ATP10B: variants seen among roughly 807,000 people sequenced by gnomAD.
The protein encoded by ATP10B is phospholipid-transporting ATPase VB.
Under a neutral mutation model 141.2 loss-of-function variants are expected in ATP10B, and 122 were observed. The ratio of observed to expected loss-of-function variants is 0.86; its 90% CI spans 0.75 to 1.00. ATP10B has a LOEUF of 1.00. Ranked by LOEUF, ATP10B falls within the 50% of genes least tolerant of loss-of-function variation. The probability of loss-of-function intolerance (pLI) is 0.00; values close to 1 mark genes in which losing one functional copy is unlikely to be tolerated. For missense variants in ATP10B, 1,876 were observed against 1,825.3 expected (o/e 1.03, Z -0.51); for synonymous variants, 685 against 692.0 (o/e 0.99, Z 0.16).
rs563048262 is a variant in ATP10B, at chr5:160,809,425, T to TA, written c.-575-23623dup. ...TTTTTTCTACTTGACACGTAATAAT[T>TA]ATATATATTTCTGGTGTGCATAGTG... On this transcript the variant is annotated intron_variant, in intron 1 of 25. Transcript: ENST00000327245. Among the ~76,000 whole-genome samples the TA allele has an allele frequency of 3.7e-3, 571 of 152,298 alleles. 2 individuals are homozygous for TA. The highest frequency in any genetic ancestry group is 6.6e-3 in the Non-Finnish European group (449 of 68,022).
chr5:160,772,282 T>C (rs1014426760), intron 2 of ATP10B, among the ~76,000 whole-genome samples: 5 of 152,238 alleles, frequency 3.3e-5, no homozygotes, highest in Admixed American at 6.5e-5. Context: ...CTCTTCTTAA[T>C]ACTACCCTCA....
intron 24 of ATP10B, among the ~76,000 whole-genome samples, chr5:160,580,441 C>T (rs140236694): frequency 0.016 from 2,378 of 144,770 alleles, 28 homozygotes; most frequent in Middle Eastern, 0.077. Flanking sequence ...GTCATTGGTT[C>T]TGTTTATGTG....
At chr5:160,880,180 GTAAA>G in the ATP10B span, among the ~76,000 whole-genome samples, 1 of 143,938 alleles carries the variant, frequency 6.9e-6, no homozygotes, top group African/African-American at 2.5e-5. Flanking sequence ...AATATATAAT[GTAAA>G]TATTTTTATA....
intron 18 of ATP10B, among the ~76,000 whole-genome samples, chr5:160,609,734 C>T (rs562416891): frequency 1.3e-5 from 2 of 152,224 alleles, no homozygotes; most frequent in Non-Finnish European, 1.5e-5. Flanking sequence ...CTGTGTCTAC[C>T]TTTTAAGATG....
chr5:160,586,629 G>A (rs578075621), intron 24 of ATP10B, among the ~76,000 whole-genome samples: 3 of 152,080 alleles, frequency 2.0e-5, no homozygotes, highest in African/African-American at 7.2e-5. Context: ...CCACTGCCTC[G>A]CCATCTACTG....
At chr5:160,770,874 C>T (rs1210757929) in intron 2 of ATP10B, among the ~76,000 whole-genome samples, 24 of 152,150 alleles carry the variant, frequency 1.6e-4, no homozygotes, top group Admixed American at 1.6e-3. Flanking sequence ...GAAGGTGTTA[C>T]TTGAATGATG....
intron 1 of ATP10B, among the ~76,000 whole-genome samples, chr5:160,846,988 C>T (rs1395634711): frequency 6.6e-6 from 1 of 152,180 alleles, no homozygotes; most frequent in Admixed American, 6.5e-5. Flanking sequence ...AGTAAGTACT[C>T]AGTTAATGTT....
At chr5:160,600,166 A>C (rs1181216311) in intron 21 of ATP10B, among the ~76,000 whole-genome samples, 1 of 152,188 alleles carries the variant, frequency 6.6e-6, no homozygotes, top group Non-Finnish European at 1.5e-5. Flanking sequence ...CTATAGTAGT[A>C]CTACGTTATT....
chr5:160,790,926 C>T (rs6862853), intron 1 of ATP10B, among the ~76,000 whole-genome samples: 18,710 of 151,974 alleles, frequency 0.12, 1,235 homozygotes, highest in African/African-American at 0.14. Flanking sequence ...ATGAGTTACA[C>T]GATGATGAAA....
At chr5:160,632,393 C>T (rs1221483286) in intron 12 of ATP10B, 26 bp from the exon 13 acceptor site, 1 of 1,605,368 alleles carries the variant, frequency 6.2e-7, no homozygotes, top group Non-Finnish European at 8.5e-7. Context: ...CCTGTTATTG[C>T]ACTAGTTGTA....
At position 160,652,883 on chromosome 5, in the gene ATP10B, ATATAATTATAT is replaced by A; in HGVS notation, c.676-3638_676-3628del. ...ATTATATATAATATATATAATATAT[ATATAATTATAT>A]AATATATTATATATACATGTATATA... is the stretch of plus-strand genomic sequence containing the variant. On this transcript the variant is annotated intron_variant, in intron 7 of 25. Transcript: ENST00000327245. 2.2e-5 allele frequency among the ~76,000 whole-genome samples: 2 copies of A among 90,362 alleles called. 1 individual carries two copies. The highest frequency in any genetic ancestry group is 3.9e-5 in the Non-Finnish European group (2 of 50,802). The allele number at this position is 90,362 out of a possible 152,430, so 59.3% of individuals were successfully genotyped here. A position where few individuals can be genotyped will look rare whatever the true frequency, so the allele number is the denominator to read the frequency against.
At chr5:160,782,982 C>T (rs529404229) in intron 2 of ATP10B, among the ~76,000 whole-genome samples, 34 of 152,178 alleles carry the variant, frequency 2.2e-4, no homozygotes, top group African/African-American at 8.2e-4. Flanking sequence ...TACATATACA[C>T]ATGTAAGTTG....
chr5:160,741,177 G>A (rs753930201), intron 2 of ATP10B, among the ~76,000 whole-genome samples: 3 of 152,148 alleles, frequency 2.0e-5, no homozygotes, highest in Non-Finnish European at 4.4e-5. Context: ...CACATCACTG[G>A]CTGTCAGCTT....
intron 1 of ATP10B, among the ~76,000 whole-genome samples, chr5:160,809,892 A>G (rs1254463314): frequency 6.6e-6 from 1 of 152,160 alleles, no homozygotes; most frequent in Non-Finnish European, 1.5e-5. Flanking sequence ...CTCTTATTGG[A>G]TATCAGGCTT....
chr5:160,792,820 G>A (rs1373172852), intron 1 of ATP10B, among the ~76,000 whole-genome samples: 2 of 152,130 alleles, frequency 1.3e-5, no homozygotes, highest in African/African-American at 4.8e-5. Context: ...TGGCCTGTGG[G>A]TCGAAGTCTG....
At chr5:160,673,580 C>A (rs184899498) in intron 6 of ATP10B, among the ~76,000 whole-genome samples, 5 of 151,870 alleles carry the variant, frequency 3.3e-5, no homozygotes, top group East Asian at 1.9e-4. Context: ...CCATCTCCCC[C>A]CAACCCTCAC....
chr5:160,700,752 T>A (rs1479453361), intron 3 of ATP10B, among the ~76,000 whole-genome samples: 1 of 152,136 alleles, frequency 6.6e-6, no homozygotes, highest in African/African-American at 2.4e-5. Context: ...AAACTTCTAG[T>A]CCCAAAGTAG....
At chr5:160,855,792 T>TCC (rs1451481072), upstream of ATP10B, among the ~76,000 whole-genome samples, 1 of 151,922 alleles carries the variant, frequency 6.6e-6, no homozygotes, top group Non-Finnish European at 1.5e-5. Flanking sequence ...GATCAAGGTT[T>TCC]CCTTGTGTGT....
At chr5:160,616,113 A>C in intron 16 of ATP10B, 149 bp from the exon 17 acceptor site, 3 of 802,056 alleles carry the variant, frequency 3.7e-6, no homozygotes, top group Non-Finnish European at 5.6e-6. Flanking sequence ...TTTTTTTTAA[A>C]TATGTAAATT....
Sources: allele counts gnomAD v4.1 joint callset (sites outside exome capture counted in the v4.1 genomes callset), GRCh38; gene constraint gnomAD v4.1.1; transcripts MANE v1.5; gene names NCBI Gene and HGNC (gene_info 2026-07-23, HGNC 2026-07-21).